KMT2E: variants seen among roughly 807,000 people sequenced by gnomAD.
KMT2E encodes histone reader KMT2E.
In KMT2E, 30 loss-of-function variants were observed where a neutral mutation model predicts 184.6. The observed-to-expected ratio is 0.16, with a 90% confidence interval of 0.12 to 0.22. KMT2E has a LOEUF of 0.22. Ranked by LOEUF, KMT2E falls within the 10% of genes least tolerant of loss-of-function variation. The probability of loss-of-function intolerance (pLI) is 1.00; values close to 1 mark genes in which losing one functional copy is unlikely to be tolerated. For missense variants in KMT2E, 2,023 were observed against 2,237.4 expected, an observed-to-expected ratio of 0.90 and a Z score of 1.93; for synonymous variants, 815 against 776.5, an observed-to-expected ratio of 1.05 and a Z score of -0.82.
chr7:105,095,694 T>A (rs1360751801), intron 15 of KMT2E, among the ~76,000 whole-genome samples: 1 of 152,194 alleles, frequency 6.6e-6, no homozygotes, highest in Admixed American at 6.5e-5. Context: ...GGCTAAGTTA[T>A]GTGGAACTGC....
At chr7:105,037,841 A>G (rs1240258208) in intron 1 of KMT2E, among the ~76,000 whole-genome samples, 1 of 145,478 alleles carries the variant, frequency 6.9e-6, no homozygotes, top group Non-Finnish European at 1.5e-5. Context: ...TCTGTTTTTA[A>G]TATTGTATTA....
chr7:105,101,386 T>G, intron 15 of KMT2E, 39 bp from the exon 16 acceptor site: 1 of 1,374,900 alleles, frequency 7.3e-7, no homozygotes, highest in Non-Finnish European at 9.7e-7. Flanking sequence ...CTTTTGAGCA[T>G]TGATATTTAT....
At chr7:105,109,746 T>C (rs1429943297) in intron 23 of KMT2E, among the ~76,000 whole-genome samples, 1 of 152,188 alleles carries the variant, frequency 6.6e-6, no homozygotes, top group Non-Finnish European at 1.5e-5. Flanking sequence ...ACTCCTTGCC[T>C]TCTTTTCACC....
chr7:105,035,477 CTT>C (rs555332252), intron 1 of KMT2E, among the ~76,000 whole-genome samples: 2 of 142,344 alleles, frequency 1.4e-5, no homozygotes, highest in African/African-American at 2.6e-5. Context: ...CCAAGATCGG[CTT>C]TTTTTTTTTT....
chr7:105,054,518 G>A (rs552814070), intron 3 of KMT2E, among the ~76,000 whole-genome samples: 16 of 148,140 alleles, frequency 1.1e-4, no homozygotes, highest in African/African-American at 2.7e-4. Context: ...CTATCTATCT[G>A]TCTGTCTGTC....
chr7:105,029,393 A>G (rs892290806), intron 1 of KMT2E, among the ~76,000 whole-genome samples: 4 of 152,232 alleles, frequency 2.6e-5, no homozygotes, highest in Non-Finnish European at 5.9e-5. Context: ...TGTTAAATGA[A>G]TGAATTTGAT....
At chr7:105,093,419 C>T (rs1362071402) in intron 15 of KMT2E, among the ~76,000 whole-genome samples, 13 of 152,162 alleles carry the variant, frequency 8.5e-5, no homozygotes, top group Admixed American at 1.3e-4. Context: ...CGGTGGCTCA[C>T]GCCTGTAATC....
In KMT2E at chr7:105,113,398, G is replaced by A. The variant is rs773439039; in HGVS notation, c.*65G>A. 6.9e-7 allele frequency: 1 copy of A among 1,458,750 alleles called. No homozygotes were observed. The highest frequency in any genetic ancestry group is 2.4e-5 in the East Asian group (1 of 41,822). 90.4% of individuals were successfully genotyped at this position (1,458,750 alleles called of 1,614,324 possible). Reference sequence around the variant, plus strand: ...TAAACTGTATATTTCATATGTACCTGTTAAGGTACTTTTTAAAGCTTGTAC... The same window carrying A: ...TAAACTGTATATTTCATATGTACCTATTAAGGTACTTTTTAAAGCTTGTAC... On this transcript the variant is annotated 3_prime_UTR_variant, in exon 27 of 27. Coordinates refer to ENST00000311117, the MANE Select transcript of KMT2E (RefSeq NM_182931.3).
rs752731957 is a variant in KMT2E at position 105,107,614 on chromosome 7, C to G, written c.3157C>G (p.Leu1053Val). 6.2e-7 allele frequency: 1 copy of G among 1,614,146 alleles called. No individual in the cohort carries two copies. The highest frequency in any genetic ancestry group is 2.2e-5 in the East Asian group (1 of 44,870). ...TGACAGGGCTGAGCCCAACAGCCAACTGGACTCGACTCACTCTGGACGGGG... is the reference window on the plus strand; with the variant it reads ...TGACAGGGCTGAGCCCAACAGCCAAGTGGACTCGACTCACTCTGGACGGGG... Reference protein sequence around the residue: ...AHDRAEPNSQLDSTHSGRGTM... With the variant: ...AHDRAEPNSQVDSTHSGRGTM... The change falls in exon 22 of 27, where the codon CTG becomes GTG. Residue 1053 changes from leucine (L) to valine (V), a missense_variant. Leu to Val is a conservative substitution (Grantham distance 32). Around this residue, in one of 8 missense-constraint regions of KMT2E, gnomAD observed 1,108 missense variants for 1,050.9 expected, o/e 1.05. Coordinates refer to ENST00000311117, the MANE Select transcript of KMT2E (RefSeq NM_182931.3).
chr7:105,079,437 C>T (rs1374199800), intron 12 of KMT2E, among the ~76,000 whole-genome samples: 1 of 148,600 alleles, frequency 6.7e-6, no homozygotes, highest in Admixed American at 6.8e-5. Flanking sequence ...TGCCTGGCCG[C>T]TATGAAGTCT....
rs532032454 is a variant in KMT2E at position 105,066,582 on chromosome 7, C to T, written c.417-145C>T. Reference sequence around the variant, plus strand: ...TCAAAATTTTATCGCCTTGAAGACACGTTTCTATGAATTTCTCAGAGTACC... The same window carrying T: ...TCAAAATTTTATCGCCTTGAAGACATGTTTCTATGAATTTCTCAGAGTACC... On this transcript the variant is annotated intron_variant, in intron 5 of 26. Coordinates refer to ENST00000311117, the MANE Select transcript of KMT2E (RefSeq NM_182931.3). The T allele has an allele frequency of 1.0e-4, 58 of 564,434 alleles. No homozygotes were observed. The East Asian group carries it at 1.2e-3, about 11-fold the overall frequency. 35.0% of individuals were successfully genotyped at this position (564,434 alleles called of 1,614,324 possible). A position where few individuals can be genotyped will look rare whatever the true frequency, so the allele number is the denominator to read the frequency against.
In KMT2E at chr7:105,113,111, T is replaced by A. The variant is rs201098096; in HGVS notation, c.5355T>A (p.His1785Gln). The change falls in exon 27 of 27, where the codon CAT (histidine) becomes CAA (glutamine). Residue 1785 changes from histidine to glutamine, a missense_variant. Coordinates refer to ENST00000311117, the MANE Select transcript of KMT2E (RefSeq NM_182931.3). ...ACCAGCCTTCTGGAACAGGGCCACA[T>A]TGTCCATTACCTGTCACAGGTCCTC... ...PQHQPSGTGP[H>Q]CPLPVTGPHL... 6.2e-7 allele frequency: 1 copy of A among 1,614,058 alleles called. No individual in the cohort carries two copies. The highest frequency in any genetic ancestry group is 1.7e-5 in the Admixed American group (1 of 60,002).
chr7:105,050,403 C>T (rs960914920), intron 3 of KMT2E, among the ~76,000 whole-genome samples: 9 of 152,094 alleles, frequency 5.9e-5, no homozygotes, highest in Non-Finnish European at 8.8e-5. Flanking sequence ...CAACTGCAGT[C>T]CCCTCTCCTT....
intron 6 of KMT2E, among the ~76,000 whole-genome samples, chr7:105,068,384 G>T (rs1417394716): frequency 1.3e-5 from 2 of 152,020 alleles, no homozygotes; most frequent in Non-Finnish European, 2.9e-5. Context: ...TTTATTAGGG[G>T]TTGCAAATTA....
intron 22 of KMT2E, 119 bp downstream of exon 22, chr7:105,108,044 C>G: frequency 1.5e-6 from 1 of 663,066 alleles, no homozygotes; most frequent in East Asian, 3.3e-5. Context: ...ATTAAAGTTA[C>G]ATTTTTAATA....
chr7:105,070,845 C>T (rs1011323115), intron 6 of KMT2E, among the ~76,000 whole-genome samples: 26 of 151,434 alleles, frequency 1.7e-4, no homozygotes, highest in Non-Finnish European at 4.4e-5. Context: ...TTTTATTTAC[C>T]TTTATAATTA....
Position 105,105,599 on chromosome 7 carries a change from C to T in KMT2E, c.2357C>T (p.Thr786Ile). The change falls in exon 18 of 27, where the codon ACT (threonine) becomes ATT (isoleucine). Residue 786 changes from threonine to isoleucine, a missense_variant. Coordinates refer to ENST00000311117, the MANE Select transcript of KMT2E (RefSeq NM_182931.3). ...ACTTACAGCCCCCATGTATACTCCA[C>T]TCCTAAGCATTATATTAGATTTACT... ...GLTYSPHVYS[T>I]PKHYIRFTSP... The T allele has an allele frequency of 6.2e-7, 1 of 1,613,604 alleles. No individual in the cohort carries two copies. The highest frequency in any genetic ancestry group is 8.5e-7 in the Non-Finnish European group (1 of 1,179,540).
chr7:105,051,843 C>G (rs1796361846), intron 3 of KMT2E, among the ~76,000 whole-genome samples: 1 of 152,144 alleles, frequency 6.6e-6, no homozygotes, highest in Admixed American at 6.5e-5. Context: ...GAACTCCTGA[C>G]TTCACAAAGT....
Position 105,040,909 on chromosome 7 carries a change from T to C in KMT2E, c.-44T>C. On this transcript the variant is annotated 5_prime_UTR_variant, in exon 3 of 27. An upstream start codon of the reference 5' UTR is lost. Coordinates refer to ENST00000311117, the MANE Select transcript of KMT2E (RefSeq NM_182931.3). ...CATGCCCCAGTGTTTTGGATACCAA[T>C]GCATAGGACTCCATAGTAATCGAAT... The C allele has an allele frequency of 1.4e-6, 2 of 1,460,656 alleles. No homozygotes were observed. The highest frequency in any genetic ancestry group is 1.9e-6 in the Non-Finnish European group (2 of 1,046,114). 90.5% of individuals were successfully genotyped at this position (1,460,656 alleles called of 1,614,324 possible). A position where few individuals can be genotyped will look rare whatever the true frequency, so the allele number is the denominator to read the frequency against.
Sources: gnomAD v4.1 joint callset for allele counts (sites outside exome capture counted in the v4.1 genomes callset) on GRCh38, gnomAD v4.1.1 for gene constraint, gnomAD v4.1.1 regional missense constraint, MANE v1.5 for transcripts, NCBI Gene and HGNC (gene_info 2026-07-23, HGNC 2026-07-21) for gene names.